ERC2: variants seen among roughly 807,000 people sequenced by gnomAD.
ERC2 encodes ELKS/RAB6-interacting/CAST family member 2.
Under a neutral mutation model 114.8 loss-of-function variants are expected in ERC2, and 42 were observed. The observed-to-expected ratio is 0.37, with a 90% CI of 0.29 to 0.47. The LOEUF is 0.47. Among genes scored for constraint, ERC2 ranks in the 20% least tolerant of loss-of-function variants. ERC2 has a pLI of 0.99. For synonymous variants in ERC2, 454 were observed against 425.5 expected, an observed-to-expected ratio of 1.07 and a Z score of -0.82; for missense variants, 939 against 1,150.7, an observed-to-expected ratio of 0.82 and a Z score of 2.66.
At chr3:55,654,907 C>T (rs371543882) in intron 17 of ERC2, among the ~76,000 whole-genome samples, 13 of 152,320 alleles carry the variant, frequency 8.5e-5, no homozygotes, top group African/African-American at 3.1e-4. Context: ...CCTTCCATGG[C>T]CTGCTAGGCT....
At chr3:55,757,412 T>G (rs1462741572) in intron 14 of ERC2, among the ~76,000 whole-genome samples, 2 of 152,190 alleles carry the variant, frequency 1.3e-5, no homozygotes, top group African/African-American at 4.8e-5. Flanking sequence ...GGCAATATGA[T>G]TTGATCAGTG....
At chr3:55,788,159 T>C in intron 14 of ERC2, among the ~76,000 whole-genome samples, 1 of 152,214 alleles carries the variant, frequency 6.6e-6, no homozygotes, top group Non-Finnish European at 1.5e-5. Context: ...TGTTATCACC[T>C]CTCTTCTCTC....
intron 17 of ERC2, among the ~76,000 whole-genome samples, chr3:55,679,849 A>T (rs2061977230): frequency 6.6e-6 from 1 of 152,122 alleles, no homozygotes; most frequent in Non-Finnish European, 1.5e-5. Context: ...TTTTGCAGCC[A>T]TTAAATTTCT....
At chr3:55,660,098 T>G (rs1357923888) in intron 17 of ERC2, among the ~76,000 whole-genome samples, 1 of 150,338 alleles carries the variant, frequency 6.7e-6, no homozygotes, top group African/African-American at 2.4e-5. Context: ...CATCACATTA[T>G]GGAAGCTCAG....
chr3:55,888,514 T>C lies in ERC2; in HGVS notation c.2439A>G (p.Arg813=), dbSNP rs542865147. ...EELMNALEKT[R]QELDATKARL... is the part of the protein sequence containing the mutation. Reference sequence around the variant, plus strand: ...GTGCTTTGGTGGCATCCAGTTCCTGTCTGGTCTTCTCCAGTGCATTCATCA... The same window carrying C: ...GTGCTTTGGTGGCATCCAGTTCCTGCCTGGTCTTCTCCAGTGCATTCATCA... The change falls in exon 14 of 18, where the codon AGA becomes AGG. Residue 813 remains arginine, a synonymous_variant. Transcript: ENST00000288221. The C allele has an allele frequency of 1.9e-6, 3 of 1,613,872 alleles. No individual in the cohort carries two copies. Among genetic ancestry groups the C allele is most frequent in the East Asian group, 4.5e-5 (2 of 44,870 alleles).
chr3:56,085,555 G>A (rs1379046709), intron 6 of ERC2, among the ~76,000 whole-genome samples: 1 of 152,140 alleles, frequency 6.6e-6, no homozygotes. Context: ...ATTCATGACA[G>A]GTGCACTAAA....
chr3:55,846,681 C>CTT, intron 14 of ERC2, among the ~76,000 whole-genome samples: 1 of 130,388 alleles, frequency 7.7e-6, no homozygotes, highest in African/African-American at 3.3e-5. Flanking sequence ...CTCTCTCTCT[C>CTT]TCTCTCTCTC....
rs74326438 is a variant in ERC2 at position 55,934,338 on chromosome 3, G to A, written c.2403+16087C>T. Reference sequence around the variant, plus strand: ...TGACTGAATATTTGGTCAATGCTAGGTGTAGTAATGATAATGATGACAACA... The same window carrying A: ...TGACTGAATATTTGGTCAATGCTAGATGTAGTAATGATAATGATGACAACA... On this transcript the variant is annotated intron_variant, in intron 13 of 17. Transcript: ENST00000288221. Among the ~76,000 whole-genome samples the A allele has an allele frequency of 3.2e-4, 49 of 152,274 alleles. No individual in the cohort carries two copies. The East Asian group carries it at 7.7e-3, about 24-fold the overall frequency.
intron 17 of ERC2, among the ~76,000 whole-genome samples, chr3:55,630,688 G>A (rs2059716828): frequency 6.6e-6 from 1 of 152,174 alleles, no homozygotes; most frequent in Admixed American, 6.5e-5. Context: ...GGGCCTCCCT[G>A]GTGGACACAC....
Position 56,330,991 on chromosome 3 carries a change from G to A in ERC2, c.658-34556C>T, listed in dbSNP as rs147378670. 2.2e-3 allele frequency among the ~76,000 whole-genome samples: 340 copies of A among 152,282 alleles called. 3 individuals carry two copies. The highest frequency in any genetic ancestry group is 7.9e-3 in the African/African-American group (329 of 41,554). On this transcript the variant is annotated intron_variant, in intron 2 of 17. Coordinates refer to ENST00000288221, the MANE Select transcript of ERC2 (RefSeq NM_015576.3). ...AACTTGCCCAATGTCTCAACATCCA[G>A]CAATTGTGATTCCAAAGGTGAGCCC...
intron 14 of ERC2, among the ~76,000 whole-genome samples, chr3:55,865,430 G>A (rs1439785589): frequency 6.6e-6 from 1 of 152,080 alleles, no homozygotes; most frequent in Non-Finnish European, 1.5e-5. Flanking sequence ...AGATTTCGGA[G>A]CACTCTGCAG....
At chr3:55,910,366 C>T (rs901566903) in intron 13 of ERC2, among the ~76,000 whole-genome samples, 2 of 151,094 alleles carry the variant, frequency 1.3e-5, no homozygotes, top group East Asian at 1.9e-4. Flanking sequence ...CATTCCAGCC[C>T]GGGTGACAGA....
At position 55,940,466 on chromosome 3, in the gene ERC2, G is replaced by C. The variant is rs544677568; in HGVS notation, c.2403+9959C>G. ...CTGTTCTAGCATGCAAGAGCCAAGA[G>C]TCCAGCTGCAGCCACAACTTCATTG... On this transcript the variant is annotated intron_variant, in intron 13 of 17. Transcript: ENST00000288221. Among the ~76,000 whole-genome samples, 39 of 152,214 alleles carry C rather than the reference G, an allele frequency of 2.6e-4. No individual in the cohort carries two copies. The South Asian group carries it at 5.0e-3, about 19-fold the overall frequency.
intron 14 of ERC2, among the ~76,000 whole-genome samples, chr3:55,753,458 G>A (rs1295123031): frequency 6.6e-6 from 1 of 152,148 alleles, no homozygotes; most frequent in African/African-American, 2.4e-5. Context: ...AACCCCACAG[G>A]AATGGTGGGC....
chr3:56,432,936 T>C (rs985757008), intron 2 of ERC2, among the ~76,000 whole-genome samples: 4 of 152,092 alleles, frequency 2.6e-5, no homozygotes, highest in African/African-American at 9.7e-5. Context: ...TGTGCAATCC[T>C]AGAACTTTGG....
At chr3:55,749,899 G>A (rs996481963) in intron 14 of ERC2, among the ~76,000 whole-genome samples, 4 of 152,150 alleles carry the variant, frequency 2.6e-5, no homozygotes, top group Non-Finnish European at 4.4e-5. Flanking sequence ...TGAAGTCGGT[G>A]AGACCACGAA....
chr3:56,257,431 C>T (rs889768932), intron 3 of ERC2, among the ~76,000 whole-genome samples: 6 of 152,196 alleles, frequency 3.9e-5, no homozygotes, highest in Non-Finnish European at 7.3e-5. Flanking sequence ...ATTTAACTTA[C>T]GTCAAACCAA....
rs1576158969 is a variant in ERC2, at chr3:55,911,841, T to G, written c.2404-23292A>C. Among the ~76,000 whole-genome samples the G allele has an allele frequency of 5.3e-5, 8 of 152,232 alleles. 1 individual carries two copies. The highest frequency in any genetic ancestry group is 5.2e-4 in the Admixed American group (8 of 15,292). On this transcript the variant is annotated intron_variant, in intron 13 of 17. Coordinates refer to ENST00000288221, the MANE Select transcript of ERC2 (RefSeq NM_015576.3). Reference sequence around the variant, plus strand: ...CACATTCATGTAGATATAACCAAATTTTCAGGTATTTCCAGCTGAATGGTC... The same window carrying G: ...CACATTCATGTAGATATAACCAAATGTTCAGGTATTTCCAGCTGAATGGTC...
chr3:55,543,871 C>A (rs766099694), intron 17 of ERC2, among the ~76,000 whole-genome samples: 13 of 152,188 alleles, frequency 8.5e-5, no homozygotes, highest in Non-Finnish European at 1.9e-4. Flanking sequence ...CGAAGCCTTA[C>A]CTCTCACCAC....
Sources: gnomAD v4.1 joint callset for allele counts (sites outside exome capture counted in the v4.1 genomes callset) on GRCh38, gnomAD v4.1.1 for gene constraint, MANE v1.5 for transcripts, NCBI Gene and HGNC (gene_info 2026-07-23, HGNC 2026-07-21) for gene names.